Variants in CACNA1B observed in about 807,000 individuals in gnomAD.
CACNA1B encodes the protein calcium voltage-gated channel subunit alpha1 B, also known as voltage-dependent N-type calcium channel subunit alpha-1B.
CACNA1B carries 70 observed loss-of-function variants against 247.2 expected under a neutral mutation model. The observed-to-expected ratio is 0.28, with a 90% CI of 0.23 to 0.35. The LOEUF (loss-of-function observed/expected upper bound fraction) is 0.35. CACNA1B is among the 10% of genes least tolerant of loss of function. The pLI is 1.00. For synonymous variants in CACNA1B, 1,231 were observed against 1,294.4 expected, an observed-to-expected ratio of 0.95 and a Z score of 1.05; for missense variants, 2,367 against 3,197.4, an observed-to-expected ratio of 0.74 and a Z score of 6.26.
Position 138,118,043 on chromosome 9 carries a change from C to G in CACNA1B, c.5875C>G (p.His1959Asp), listed in dbSNP as rs201400398. The change falls in exon 43 of 47, where the codon CAC becomes GAC. Residue 1959 changes from histidine (H) to aspartate (D), a missense_variant. Physicochemically the swap from His to Asp is moderately conservative, Grantham distance 81. Around this residue, in one of 12 missense-constraint regions of CACNA1B, gnomAD observed 773 missense variants for 779.4 expected, o/e 0.99. Transcript: ENST00000371372. ...HEARPPLERG[H>D]STEIPVGRSG... is the part of the protein sequence containing the mutation. ...GGCCAGGCCACCCCTGGAGCGTGGC[C>G]ACTCCACAGAGATCCCTGTGGGGCG... The G allele has an allele frequency of 1.9e-6, 3 of 1,597,184 alleles. No homozygotes were observed. Among genetic ancestry groups the G allele is most frequent in the Admixed American group, 1.7e-5 (1 of 58,408 alleles).
chr9:138,028,924 G>C (rs1958954398), intron 20 of CACNA1B, among the ~76,000 whole-genome samples: 1 of 152,184 alleles, frequency 6.6e-6, no homozygotes, highest in African/African-American at 2.4e-5. Flanking sequence ...GCATATGGCT[G>C]CTTCTCTCTG....
In CACNA1B at chr9:137,986,356, C is replaced by T; in HGVS notation, c.1770-57C>T. 1 of 1,596,542 alleles carries T rather than the reference C, an allele frequency of 6.3e-7. No homozygotes were observed. Among genetic ancestry groups the T allele is most frequent in the Admixed American group, 1.7e-5 (1 of 58,808 alleles). On this transcript the variant is annotated intron_variant, in intron 13 of 46. Coordinates refer to ENST00000371372, the MANE Select transcript of CACNA1B (RefSeq NM_000718.4). This position sits in a 1 kb window ranked among gnomAD's most constrained non-coding sequence, Gnocchi z 6.0. ...GAGCCTTAAGTGTGGCTGCAGAGAG[C>T]CATGAATGTGAAGTCAGCGTCTGGA...
chr9:138,029,694 AC>A (rs1026420880), intron 20 of CACNA1B, among the ~76,000 whole-genome samples: 4 of 139,790 alleles, frequency 2.9e-5, no homozygotes, highest in African/African-American at 1.1e-4. Flanking sequence ...CACTGCAACC[AC>A]CATCTCCCGG....
In CACNA1B at chr9:138,120,159, C is replaced by A. The variant is rs201506051; in HGVS notation, c.6031-6C>A. 6.3e-7 allele frequency: 1 copy of A among 1,594,176 alleles called. No homozygotes were observed. The highest frequency in any genetic ancestry group is 2.3e-5 in the East Asian group (1 of 43,390). On this transcript the variant is annotated splice_region_variant and splice_polypyrimidine_tract_variant and intron_variant, in intron 44 of 46. Transcript: ENST00000371372. ...CCTAGGCCCACTCTCAGTCCTTTGC[C>A]CACAGCCCGTCACAGATGCCAGCCC... is the stretch of plus-strand genomic sequence containing the variant.
chr9:137,946,419 CA>C (rs1478472084), intron 6 of CACNA1B, among the ~76,000 whole-genome samples: 1 of 152,126 alleles, frequency 6.6e-6, no homozygotes, highest in East Asian at 1.9e-4. Context: ...CTGCCACTGC[CA>C]ATTGTGTCAC....
intron 12 of CACNA1B, among the ~76,000 whole-genome samples, chr9:137,977,697 G>C (rs1444865699): frequency 6.6e-6 from 1 of 152,174 alleles, no homozygotes; most frequent in African/African-American, 2.4e-5. Context: ...GGCTGGGAAT[G>C]ATGGGTGGGC....
chr9:138,091,181 T>C (rs578098375), intron 36 of CACNA1B, among the ~76,000 whole-genome samples: 85 of 152,338 alleles, frequency 5.6e-4, no homozygotes, highest in African/African-American at 1.9e-3. Flanking sequence ...ATTTTCCTTA[T>C]ACACAATGGA....
chr9:138,044,026 T>A, intron 21 of CACNA1B, 126 bp downstream of exon 21: 12 of 1,293,656 alleles, frequency 9.3e-6, no homozygotes, highest in Non-Finnish European at 1.2e-5. Flanking sequence ...CTAAATCCCA[T>A]GGCAGACCCC....
intron 35 of CACNA1B, among the ~76,000 whole-genome samples, chr9:138,077,317 T>C (rs1960361090): frequency 6.6e-6 from 1 of 152,202 alleles, no homozygotes; most frequent in Non-Finnish European, 1.5e-5. Flanking sequence ...ACAGACTCCG[T>C]GCAGGAGCAT....
chr9:137,957,338 T>A lies in CACNA1B; in HGVS notation c.1244-260T>A, dbSNP rs1957960932. ...GATGGACGTTTCCTGGTCTCCCTGG[T>A]GGCCAGGCCTCCCCACTGGCCTCAT... On this transcript the variant is annotated intron_variant, in intron 9 of 46. Transcript: ENST00000371372. The surrounding 1 kb of genome is among the most constrained non-coding windows in gnomAD (Gnocchi z 4.7). Among the ~76,000 whole-genome samples, 1 of 152,214 alleles carries A rather than the reference T, an allele frequency of 6.6e-6. No homozygotes were observed. The highest frequency in any genetic ancestry group is 1.5e-5 in the Non-Finnish European group (1 of 68,034).
At chr9:138,019,862 C>G (rs1037673218) in intron 18 of CACNA1B, among the ~76,000 whole-genome samples, 1 of 152,030 alleles carries the variant, frequency 6.6e-6, no homozygotes, top group African/African-American at 2.4e-5. Flanking sequence ...CTTTGGGAGG[C>G]TGAGGTGGGC....
intron 3 of CACNA1B, among the ~76,000 whole-genome samples, chr9:137,889,166 A>C (rs1228592976): frequency 6.7e-6 from 1 of 150,242 alleles, no homozygotes; most frequent in Non-Finnish European, 1.5e-5. Flanking sequence ...ACTGTGCCCG[A>C]GGGGCCAGGA....
At position 137,971,665 on chromosome 9, in the gene CACNA1B, C is replaced by A. The variant is rs1051445753; in HGVS notation, c.1543+73C>A. 2 of 1,319,350 alleles carry A rather than the reference C, an allele frequency of 1.5e-6. No individual in the cohort carries two copies. The highest frequency in any genetic ancestry group is 2.1e-6 in the Non-Finnish European group (2 of 938,268). 81.7% of individuals were successfully genotyped at this position (1,319,350 alleles called of 1,614,324 possible). A position where few individuals can be genotyped will look rare whatever the true frequency, so the allele number is the denominator to read the frequency against. ...CTCAGTCTGGAAACCCTGGTCCATG[C>A]CCTGGGGCTACCCCAGGTGGGACGG... On this transcript the variant is annotated intron_variant, in intron 11 of 46. Transcript: ENST00000371372. The surrounding 1 kb of genome is among the most constrained non-coding windows in gnomAD (Gnocchi z 4.4).
intron 37 of CACNA1B, among the ~76,000 whole-genome samples, chr9:138,097,930 C>T (rs561613273): frequency 6.6e-6 from 1 of 152,306 alleles, no homozygotes; most frequent in South Asian, 2.1e-4. Context: ...GGAGCACCCC[C>T]ACCTTCCTAG....
rs1054030625 is a variant in CACNA1B at position 138,102,538 on chromosome 9, A to C, written c.5223-173A>C. Among the ~76,000 whole-genome samples, 4 of 151,714 alleles carry C rather than the reference A, an allele frequency of 2.6e-5. No homozygotes were observed. Among genetic ancestry groups the C allele is most frequent in the African/African-American group, 9.7e-5 (4 of 41,258 alleles). On this transcript the variant is annotated intron_variant, in intron 37 of 46. Transcript: ENST00000371372. The surrounding 1 kb of genome is among the most constrained non-coding windows in gnomAD (Gnocchi z 5.4). ...GTCAAGCCAAGCAGAGAAATCCCTC[A>C]TTTTATTTATTTTGATTTTGGGCTT...
chr9:138,059,610 G>C lies in CACNA1B; in HGVS notation c.4585-44G>C, dbSNP rs199598530. On this transcript the variant is annotated intron_variant, in intron 30 of 46. Transcript: ENST00000371372. The surrounding 1 kb of genome is among the most constrained non-coding windows in gnomAD (Gnocchi z 4.2). ...CTATATATACCTCTTTGCCAACAGA[G>C]CCCTCATCAGCCGCTGGCACTAACT... 3.4e-4 allele frequency: 372 copies of C among 1,106,664 alleles called. 1 individual carries two copies. Among genetic ancestry groups the C allele is most frequent in the Non-Finnish European group, 4.7e-4 (334 of 717,562 alleles). The allele number at this position is 1,106,664 out of a possible 1,614,324, so 68.6% of individuals were successfully genotyped here.
intron 6 of CACNA1B, among the ~76,000 whole-genome samples, chr9:137,944,750 T>G (rs145949115): frequency 1.6e-4 from 24 of 152,296 alleles, no homozygotes; most frequent in African/African-American, 5.8e-4. Flanking sequence ...GACTGGCCCC[T>G]CAGCTCCTGC....
intron 18 of CACNA1B, 41 bp downstream of exon 18, chr9:138,013,276 T>C: frequency 6.9e-7 from 1 of 1,450,082 alleles, no homozygotes; most frequent in Non-Finnish European, 9.4e-7. Flanking sequence ...GCAGTGGGGC[T>C]GCTGCAGGGT....
chr9:138,112,712 T>C (rs1171039467), intron 40 of CACNA1B, among the ~76,000 whole-genome samples: 2 of 152,190 alleles, frequency 1.3e-5, no homozygotes, highest in Admixed American at 6.5e-5. Context: ...GTTTGTTGTG[T>C]TGAGCTCCTG....
Sources: allele counts gnomAD v4.1 joint callset (sites outside exome capture counted in the v4.1 genomes callset), GRCh38; gene constraint gnomAD v4.1.1; regional missense constraint gnomAD v4.1.1; non-coding constraint Gnocchi (gnomAD v3.1); transcripts MANE v1.5; gene names NCBI Gene and HGNC (gene_info 2026-07-23, HGNC 2026-07-21).